Variants in SHTN1 observed in about 807,000 individuals in gnomAD.
SHTN1 encodes the protein shootin-1.
SHTN1 carries 42 observed loss-of-function variants against 83.1 expected under a neutral mutation model. The observed-to-expected ratio is 0.51, with a 90% CI of 0.39 to 0.65. The LOEUF (loss-of-function observed/expected upper bound fraction) is 0.65. SHTN1 is among the 30% of genes least tolerant of loss of function. The pLI is 0.00. For synonymous variants in SHTN1, 224 were observed against 247.7 expected (o/e 0.90, Z 0.90); for missense variants, 622 against 737.8 (o/e 0.84, Z 1.82).
At chr10:117,088,977 T>C (rs777805797) in intron 1 of SHTN1, among the ~76,000 whole-genome samples, 1 of 152,200 alleles carries the variant, frequency 6.6e-6, no homozygotes, top group East Asian at 1.9e-4. Context: ...CCCTATAACC[T>C]GGCACATTAT....
intron 1 of SHTN1, among the ~76,000 whole-genome samples, chr10:117,112,292 G>T (rs1853779696): frequency 2.0e-5 from 3 of 152,068 alleles, no homozygotes; most frequent in Middle Eastern, 3.2e-3. Context: ...TAAAGTCCTG[G>T]TCATCAGAAG....
chr10:117,050,688 T>C (rs376276077), intron 1 of SHTN1, among the ~76,000 whole-genome samples: 22 of 151,074 alleles, frequency 1.5e-4, no homozygotes, highest in African/African-American at 5.1e-4. Flanking sequence ...AAACCTTAGC[T>C]AGAATGACTA....
chr10:116,923,202 T>C (rs1848625775), intron 11 of SHTN1, among the ~76,000 whole-genome samples: 1 of 152,128 alleles, frequency 6.6e-6, no homozygotes, highest in Admixed American at 6.5e-5. Flanking sequence ...AGGAAAGAAT[T>C]AGGGTACCAG....
At chr10:116,997,504 C>A (rs144099666) in intron 1 of SHTN1, among the ~76,000 whole-genome samples, 2 of 152,196 alleles carry the variant, frequency 1.3e-5, no homozygotes, top group Non-Finnish European at 2.9e-5. Context: ...TTTTTATGAC[C>A]TTGACAGTTG....
chr10:116,927,726 C>A, intron 11 of SHTN1, 66 bp downstream of exon 11: 1 of 1,428,176 alleles, frequency 7.0e-7, no homozygotes, highest in Non-Finnish European at 9.2e-7. Context: ...TAAGATGACT[C>A]CTCTTATGGC....
At chr10:117,081,083 T>A (rs879279020) in intron 1 of SHTN1, among the ~76,000 whole-genome samples, 1 of 150,952 alleles carries the variant, frequency 6.6e-6, no homozygotes, top group African/African-American at 2.4e-5. Context: ...TGAATAGGAG[T>A]GGTGAGAGAG....
intron 2 of SHTN1, among the ~76,000 whole-genome samples, chr10:117,022,292 A>G (rs770523065): frequency 2.6e-5 from 4 of 152,236 alleles, no homozygotes; most frequent in Non-Finnish European, 5.9e-5. Context: ...TGCACAGTAC[A>G]TGCAGTGCTA....
chr10:117,092,772 A>C (rs1355214821), intron 1 of SHTN1, among the ~76,000 whole-genome samples: 1 of 152,170 alleles, frequency 6.6e-6, no homozygotes, highest in Non-Finnish European at 1.5e-5. Context: ...TCTTTAGAGA[A>C]CCGAATTTTA....
chr10:116,969,013 G>A (rs546498821), intron 2 of SHTN1, among the ~76,000 whole-genome samples: 4 of 152,294 alleles, frequency 2.6e-5, no homozygotes, highest in South Asian at 2.1e-4. Context: ...CATTCTTTAA[G>A]AGAATGTTTG....
intron 1 of SHTN1, among the ~76,000 whole-genome samples, chr10:117,054,145 T>C (rs186146467): frequency 9.1e-4 from 139 of 152,174 alleles, no homozygotes; most frequent in African/African-American, 3.1e-3. Context: ...CCCAGAGAAA[T>C]TGAATTCCCT....
At chr10:117,123,055 T>G (rs879488984) in intron 1 of SHTN1, among the ~76,000 whole-genome samples, 1 of 152,042 alleles carries the variant, frequency 6.6e-6, no homozygotes, top group Non-Finnish European at 1.5e-5. Flanking sequence ...CAGGCTGGAG[T>G]GCAATGGTGT....
intron 16 of SHTN1, among the ~76,000 whole-genome samples, chr10:116,891,703 T>C (rs543103619): frequency 6.6e-6 from 1 of 152,286 alleles, no homozygotes; most frequent in South Asian, 2.1e-4. Context: ...GGAAACCCTA[T>C]TTTTCAGGAG....
intron 1 of SHTN1, among the ~76,000 whole-genome samples, chr10:117,102,006 G>GA (rs200023481): frequency 0.047 from 4,638 of 98,652 alleles, 151 homozygotes; most frequent in East Asian, 0.18. Flanking sequence ...TGTGAGGACA[G>GA]AAAAAAAAAA....
intron 1 of SHTN1, among the ~76,000 whole-genome samples, chr10:117,065,982 T>C (rs898902579): frequency 2.0e-5 from 3 of 150,936 alleles, no homozygotes; most frequent in African/African-American, 7.3e-5. Context: ...GGTGGGAGGC[T>C]TGAGGCCAGG....
intron 9 of SHTN1, among the ~76,000 whole-genome samples, chr10:116,940,145 A>T (rs548581617): frequency 6.6e-6 from 1 of 152,130 alleles, no homozygotes; most frequent in African/African-American, 2.4e-5. Context: ...AAAATATAAC[A>T]TTTCCAAAAA....
intron 1 of SHTN1, among the ~76,000 whole-genome samples, chr10:117,113,721 T>C (rs1474344397): frequency 6.6e-6 from 1 of 152,096 alleles, no homozygotes; most frequent in East Asian, 1.9e-4. Context: ...CTAGGCAAGA[T>C]AGCAAGACCC....
intron 2 of SHTN1, among the ~76,000 whole-genome samples, chr10:117,028,095 G>T (rs1852356446): frequency 6.6e-6 from 1 of 152,168 alleles, no homozygotes; most frequent in African/African-American, 2.4e-5. Flanking sequence ...CTGGAGCAAA[G>T]GTCATTTTTT....
At chr10:117,121,276 G>A (rs904515898) in intron 1 of SHTN1, among the ~76,000 whole-genome samples, 52 of 152,218 alleles carry the variant, frequency 3.4e-4, no homozygotes, top group Non-Finnish European at 5.9e-4. Flanking sequence ...TATAGATTAC[G>A]TATACAATTC....
chr10:116,936,394 A>C (rs547130689), intron 9 of SHTN1, among the ~76,000 whole-genome samples: 1 of 152,304 alleles, frequency 6.6e-6, no homozygotes, highest in South Asian at 2.1e-4. Flanking sequence ...GTTTCAAAGA[A>C]CTTATTTATT....
Sources: gnomAD v4.1 joint callset for allele counts (sites outside exome capture counted in the v4.1 genomes callset) on GRCh38, gnomAD v4.1.1 for gene constraint, MANE v1.5 for transcripts, NCBI Gene and HGNC (gene_info 2026-07-23, HGNC 2026-07-21) for gene names.